SCNM1: variants seen among roughly 807,000 people sequenced by gnomAD.
SCNM1 encodes sodium channel modifier 1.
A neutral mutation model predicts 32.8 loss-of-function variants in SCNM1; 24 were observed. The observed-to-expected ratio is 0.73, with a 90% confidence interval of 0.53 to 1.03. The LOEUF is 1.03. Among genes scored for constraint, SCNM1 ranks in the 50% least tolerant of loss-of-function variants. SCNM1 has a pLI of 0.00. For missense variants in SCNM1, 274 were observed against 282.3 expected (o/e 0.97, Z 0.21); for synonymous variants, 99 against 103.2 (o/e 0.96, Z 0.25).
chr1:151,168,534 G>T (rs992163808), intron 6 of SCNM1, among the ~76,000 whole-genome samples, 196 bp downstream of exon 6: 1 of 151,716 alleles, frequency 6.6e-6, no homozygotes, highest in African/African-American at 2.4e-5. Context: ...TCAGGCTCCC[G>T]AGTAGCTGGG....
rs892188749 is a variant in SCNM1 at position 151,169,943 on chromosome 1, G to A, written c.*858G>A. Reference sequence around the variant, plus strand: ...CTGGCAGTAACCCTTGGGGGTTAGCGCCAAGATTCTCACCCCAAAGCCCAA... The same window carrying A: ...CTGGCAGTAACCCTTGGGGGTTAGCACCAAGATTCTCACCCCAAAGCCCAA... On this transcript the variant is annotated 3_prime_UTR_variant, in exon 7 of 7. Transcript: ENST00000368905. 1.2e-5 allele frequency: 11 copies of A among 949,252 alleles called. No individual in the cohort carries two copies. The highest frequency in any genetic ancestry group is 2.9e-5 in the South Asian group (2 of 69,510). The allele number at this position is 949,252 out of a possible 1,614,324, so 58.8% of individuals were successfully genotyped here.
intron 6 of SCNM1, among the ~76,000 whole-genome samples, chr1:151,168,762 A>G (rs1572079315): frequency 8.4e-6 from 1 of 119,482 alleles, no homozygotes. Flanking sequence ...CCCAACTTAC[A>G]TGGCTCTCAA....
intron 6 of SCNM1, 37 bp downstream of exon 6, chr1:151,168,375 T>C: frequency 6.5e-7 from 1 of 1,543,514 alleles, no homozygotes; most frequent in Non-Finnish European, 8.7e-7. Context: ...GATTTTCTTT[T>C]CTCTCTGACA....
Position 151,166,466 on chromosome 1 carries a change from T to C in SCNM1, c.52-5T>C. ...CGTCCGGATTTCTTCCCCTACTCCCTGCAGAAAAGAAGAGTCGGGGACCTC... is the reference window on the plus strand; with the variant it reads ...CGTCCGGATTTCTTCCCCTACTCCCCGCAGAAAAGAAGAGTCGGGGACCTC... On this transcript the variant is annotated splice_region_variant and splice_polypyrimidine_tract_variant and intron_variant, in intron 1 of 6. Transcript: ENST00000368905. 1 of 1,613,970 alleles carries C rather than the reference T, an allele frequency of 6.2e-7. No individual in the cohort carries two copies. The highest frequency in any genetic ancestry group is 8.5e-7 in the Non-Finnish European group (1 of 1,179,960).
At position 151,169,877 on chromosome 1, in the gene SCNM1, C is replaced by A; in HGVS notation, c.*792C>A. On this transcript the variant is annotated 3_prime_UTR_variant, in exon 7 of 7. Transcript: ENST00000368905. ...CCTCCTCCTAGTAACCTGAACCTCC[C>A]TGCCTGCTGATCCCCAGAGTATAAA... 1.7e-6 allele frequency: 1 copy of A among 594,956 alleles called. No homozygotes were observed. The highest frequency in any genetic ancestry group is 3.0e-6 in the Non-Finnish European group (1 of 336,462). 36.9% of individuals were successfully genotyped at this position (594,956 alleles called of 1,614,324 possible).
At chr1:151,167,759 G>A (rs1683774457) in intron 5 of SCNM1, 1 of 354,180 alleles carries the variant, frequency 2.8e-6, no homozygotes, top group Non-Finnish European at 5.3e-6. Context: ...TTGAATCCGG[G>A]AGACAGAGGT....
intron 6 of SCNM1, 73 bp from the exon 7 acceptor site, chr1:151,168,913 C>T (rs1488367047): frequency 1.1e-5 from 16 of 1,473,738 alleles, no homozygotes; most frequent in Non-Finnish European, 1.5e-5. Context: ...GCTGGGATTA[C>T]TGGTGTGAGC....
chr1:151,166,633 G>A (rs1572075223), intron 2 of SCNM1, 92 bp downstream of exon 2: 1 of 1,528,116 alleles, frequency 6.5e-7, no homozygotes, highest in South Asian at 1.2e-5. Context: ...GAGGTCTCGC[G>A]GTGCTGCCCA....
At chr1:151,168,477 C>T (rs1451134621) in intron 6 of SCNM1, 139 bp downstream of exon 6, 8 of 1,266,798 alleles carry the variant, frequency 6.3e-6, no homozygotes, top group Middle Eastern at 2.4e-4. Context: ...GGCACGCTCT[C>T]GGCTCACTGT....
In SCNM1 at chr1:151,167,364, T is replaced by A. The variant is rs771122299; in HGVS notation, c.348T>A (p.Ser116Arg). The A allele has an allele frequency of 6.2e-7, 1 of 1,614,048 alleles. No homozygotes were observed. The highest frequency in any genetic ancestry group is 2.2e-5 in the East Asian group (1 of 44,874). The change falls in exon 5 of 7, where the codon AGT (serine) becomes AGA (arginine). Residue 116 changes from serine (S) to arginine (R), a missense_variant. Physicochemically the swap from Ser to Arg is moderately radical, Grantham distance 110. Coordinates refer to ENST00000368905, the MANE Select transcript of SCNM1 (RefSeq NM_024041.4). Reference protein sequence around the residue: ...LLTQTRLITQSALHRAPHYNS... With the variant: ...LLTQTRLITQRALHRAPHYNS... ...CTCAGACACGACTTATCACCCAGAGTGCTCTGCACAGAGCTCCCCACTATA... is the reference window on the plus strand; with the variant it reads ...CTCAGACACGACTTATCACCCAGAGAGCTCTGCACAGAGCTCCCCACTATA...
intron 2 of SCNM1, 118 bp downstream of exon 2, chr1:151,166,659 C>T: frequency 6.8e-7 from 1 of 1,476,138 alleles, no homozygotes; most frequent in Non-Finnish European, 9.0e-7. Flanking sequence ...CCCTCGAACT[C>T]TAGGGCTCAA....
chr1:151,168,250 C>G lies in SCNM1; in HGVS notation c.505C>G (p.Gln169Glu). The G allele has an allele frequency of 6.2e-7, 1 of 1,614,196 alleles. No homozygotes were observed. The highest frequency in any genetic ancestry group is 8.5e-7 in the Non-Finnish European group (1 of 1,180,036). Residue 169 changes from glutamine (Q) to glutamate (E), a missense_variant, in exon 6 of 7, where the codon CAG becomes GAG. Coordinates refer to ENST00000368905, the MANE Select transcript of SCNM1 (RefSeq NM_024041.4). ...SREPEPAAGP[Q>E]AEESATVSAP... ...GGAACCTGAACCTGCGGCTGGCCCACAGGCCGAGGAGTCAGCAACTGTCTC... is the reference window on the plus strand; with the variant it reads ...GGAACCTGAACCTGCGGCTGGCCCAGAGGCCGAGGAGTCAGCAACTGTCTC...
intron 2 of SCNM1, 22 bp downstream of exon 2, chr1:151,166,563 A>G (rs1683711137): frequency 1.2e-6 from 2 of 1,612,196 alleles, no homozygotes; most frequent in Non-Finnish European, 1.7e-6. Flanking sequence ...GAGTGGCTCA[A>G]GCCTGAGGGT....
In SCNM1 at chr1:151,169,967, A is replaced by C; in HGVS notation, c.*882A>C. 1.6e-6 allele frequency: 2 copies of C among 1,262,998 alleles called. No individual in the cohort carries two copies. The highest frequency in any genetic ancestry group is 2.9e-5 in the African/African-American group (2 of 67,900). The allele number at this position is 1,262,998 out of a possible 1,614,324, so 78.2% of individuals were successfully genotyped here. A position where few individuals can be genotyped will look rare whatever the true frequency, so the allele number is the denominator to read the frequency against. ...CGCCAAGATTCTCACCCCAAAGCCC[A>C]AGGAAGGAGGCAGGCAAAATGGATA... On this transcript the variant is annotated 3_prime_UTR_variant, in exon 7 of 7. Coordinates refer to ENST00000368905, the MANE Select transcript of SCNM1 (RefSeq NM_024041.4).
chr1:151,168,026 A>G, intron 5 of SCNM1, 118 bp from the exon 6 acceptor site: 1 of 1,177,100 alleles, frequency 8.5e-7, no homozygotes, highest in Middle Eastern at 3.1e-4. Flanking sequence ...CTTTGTATGC[A>G]GAACTTATTA....
chr1:151,166,446 G>A, intron 1 of SCNM1, 25 bp from the exon 2 acceptor site: 2 of 1,613,598 alleles, frequency 1.2e-6, no homozygotes, highest in Non-Finnish European at 1.7e-6. Context: ...GATCCCGTCC[G>A]GATTTCTTCC....
At chr1:151,167,602 T>A (rs1683766580) in intron 5 of SCNM1, 188 bp downstream of exon 5, 4 of 668,462 alleles carry the variant, frequency 6.0e-6, no homozygotes, top group Admixed American at 2.5e-5. Flanking sequence ...GAGGCTGAGG[T>A]GGGTGGATCA....
chr1:151,167,804 C>T (rs1683776867), intron 5 of SCNM1: 1 of 292,934 alleles, frequency 3.4e-6, no homozygotes, highest in African/African-American at 2.2e-5. Context: ...TTCACTCCAG[C>T]CTGGGTGACA....
intron 6 of SCNM1, 74 bp downstream of exon 6, chr1:151,168,412 C>CTTT: frequency 6.5e-6 from 8 of 1,226,934 alleles, no homozygotes; most frequent in East Asian, 2.8e-5. Context: ...ATTGTTTTTC[C>CTTT]TTTTTTTTTT....
Sources: allele counts gnomAD v4.1 joint callset (sites outside exome capture counted in the v4.1 genomes callset), GRCh38; gene constraint gnomAD v4.1.1; transcripts MANE v1.5; gene names NCBI Gene and HGNC (gene_info 2026-07-23, HGNC 2026-07-21).